DLG2: variants seen among roughly 807,000 people sequenced by gnomAD.
DLG2 encodes the protein disks large homolog 2.
A neutral mutation model predicts 132.5 loss-of-function variants in DLG2; 45 were observed. The observed-to-expected ratio is 0.34, with a 90% CI of 0.27 to 0.44. The LOEUF is 0.44. DLG2 is among the 20% of genes least tolerant of loss of function. The pLI is 1.00. For missense variants in DLG2, 1,045 were observed against 1,196.9 expected, an observed-to-expected ratio of 0.87 and a Z score of 1.87; for synonymous variants, 424 against 419.6, an observed-to-expected ratio of 1.01 and a Z score of -0.13.
At chr11:84,255,054 G>A (rs1365258833) in intron 7 of DLG2, among the ~76,000 whole-genome samples, 1 of 150,554 alleles carries the variant, frequency 6.6e-6, no homozygotes, top group Non-Finnish European at 1.5e-5. Context: ...CCTGCTCCAG[G>A]ACCTTCACAG....
At chr11:85,402,377 C>T (rs1596990487) in intron 3 of DLG2, among the ~76,000 whole-genome samples, 1 of 152,134 alleles carries the variant, frequency 6.6e-6, no homozygotes, top group Admixed American at 6.6e-5. Context: ...AGACCTAACA[C>T]CATAAAAGCT....
intron 21 of DLG2, among the ~76,000 whole-genome samples, chr11:83,528,316 C>A (rs1003610067): frequency 6.6e-6 from 1 of 152,134 alleles, no homozygotes; most frequent in African/African-American, 2.4e-5. Context: ...CTTTCAAAAT[C>A]CAATAAGCTT....
In DLG2 at chr11:83,920,566, C is replaced by T. The variant is rs1475739045; in HGVS notation, c.1496+9762G>A. Among the ~76,000 whole-genome samples the T allele has an allele frequency of 2.0e-5, 3 of 152,180 alleles. No individual in the cohort carries two copies. The East Asian group carries it at 5.8e-4, about 29-fold the overall frequency. The stretch of plus-strand genomic sequence containing the variant: ...GTCTTTTGAAAAAAAATCATTCTCA[C>T]CTCAGCCTGAGGTATCTATTGGGGG... On this transcript the variant is annotated intron_variant, in intron 15 of 27. Coordinates refer to ENST00000376104, the MANE Select transcript of DLG2 (RefSeq NM_001142699.3).
intron 22 of DLG2, among the ~76,000 whole-genome samples, chr11:83,474,396 G>A (rs1456428768): frequency 1.3e-5 from 2 of 152,108 alleles, no homozygotes; most frequent in Non-Finnish European, 2.9e-5. Flanking sequence ...AATGCTGTGG[G>A]TCAATTAAAG....
intron 6 of DLG2, among the ~76,000 whole-genome samples, chr11:84,953,101 C>T (rs1474125320): frequency 2.0e-5 from 3 of 152,102 alleles, no homozygotes; most frequent in Non-Finnish European, 4.4e-5. Flanking sequence ...AATTATCATC[C>T]TGGCTGTAGT....
intron 7 of DLG2, among the ~76,000 whole-genome samples, chr11:84,409,264 C>CACTT (rs1406587928): frequency 2.0e-5 from 3 of 152,128 alleles, no homozygotes; most frequent in African/African-American, 7.2e-5. Flanking sequence ...GAATCACATG[C>CACTT]ACTTCAGGAC....
chr11:85,416,849 T>A (rs894130374), intron 3 of DLG2, among the ~76,000 whole-genome samples: 2 of 152,116 alleles, frequency 1.3e-5, no homozygotes, highest in Non-Finnish European at 2.9e-5. Context: ...TCGGCTGAGA[T>A]GATGGGATTT....
chr11:85,293,133 T>C (rs982259380), intron 3 of DLG2, among the ~76,000 whole-genome samples: 1 of 152,156 alleles, frequency 6.6e-6, no homozygotes, highest in Non-Finnish European at 1.5e-5. Context: ...GGGAAAGTTC[T>C]TCCTTCCAGA....
intron 18 of DLG2, among the ~76,000 whole-genome samples, chr11:83,675,754 C>T (rs76027933): frequency 1.7e-3 from 259 of 152,258 alleles, no homozygotes; most frequent in Middle Eastern, 3.4e-3. Context: ...ATAGTGCCAA[C>T]GTAAAGATAG....
intron 3 of DLG2, among the ~76,000 whole-genome samples, chr11:85,594,060 C>T (rs1457223405): frequency 9.2e-5 from 14 of 151,930 alleles, no homozygotes; most frequent in Admixed American, 9.2e-4. Context: ...TAAAGGTCCA[C>T]ATTATGGGGA....
intron 4 of DLG2, among the ~76,000 whole-genome samples, chr11:85,207,612 T>G (rs2081982766): frequency 6.6e-6 from 1 of 152,174 alleles, no homozygotes; most frequent in East Asian, 1.9e-4. Context: ...ATGTGTCAAA[T>G]TTTATTTAAA....
rs949087704 is a variant in DLG2 at position 84,511,461 on chromosome 11, C to T, written c.519+23109G>A. ...AAAATTAATGATAATATTTATACTT[C>T]AGGTTATATCAGAGTTCATATATAT... On this transcript the variant is annotated intron_variant, in intron 7 of 27. Coordinates refer to ENST00000376104, the MANE Select transcript of DLG2 (RefSeq NM_001142699.3). 3.9e-5 allele frequency among the ~76,000 whole-genome samples: 6 copies of T among 152,060 alleles called. 1 individual carries two copies. Among genetic ancestry groups the T allele is most frequent in the Non-Finnish European group, 8.8e-5 (6 of 68,000 alleles).
At chr11:84,131,846 T>G (rs183411927) in intron 9 of DLG2, among the ~76,000 whole-genome samples, 1 of 152,030 alleles carries the variant, frequency 6.6e-6, no homozygotes, top group Non-Finnish European at 1.5e-5. Context: ...AAATTACTTA[T>G]TTATCTTTTA....
At chr11:85,503,201 T>A (rs921094949) in intron 3 of DLG2, among the ~76,000 whole-genome samples, 2 of 152,148 alleles carry the variant, frequency 1.3e-5, no homozygotes, top group Admixed American at 6.6e-5. Context: ...ACCATTATAT[T>A]TTATACTTTT....
chr11:83,707,606 G>C (rs2084345986), intron 18 of DLG2, among the ~76,000 whole-genome samples: 1 of 152,230 alleles, frequency 6.6e-6, no homozygotes, highest in Admixed American at 6.5e-5. Flanking sequence ...GGGAGGCAGA[G>C]GTTGCAGTGA....
chr11:85,451,433 T>G (rs923261526), intron 3 of DLG2, among the ~76,000 whole-genome samples: 1 of 152,180 alleles, frequency 6.6e-6, no homozygotes, highest in African/African-American at 2.4e-5. Context: ...TTGAAAATAT[T>G]AAACTGGCTC....
intron 18 of DLG2, among the ~76,000 whole-genome samples, chr11:83,686,572 A>G (rs192224794): frequency 6.4e-4 from 97 of 152,084 alleles, no homozygotes; most frequent in Non-Finnish European, 1.3e-3. Context: ...TACACATTAA[A>G]TGAATGTTAT....
chr11:84,532,118 T>TTA (rs1491561455), intron 7 of DLG2, among the ~76,000 whole-genome samples: 1 of 8,424 alleles, frequency 1.2e-4, no homozygotes, highest in South Asian at 2.3e-3. Context: ...GTTCTGTTCA[T>TTA]TTTTTTTTTT....
At chr11:83,776,746 T>G (rs1224462891) in intron 18 of DLG2, among the ~76,000 whole-genome samples, 1 of 152,206 alleles carries the variant, frequency 6.6e-6, no homozygotes, top group African/African-American at 2.4e-5. Flanking sequence ...TCAGATATCT[T>G]TCCCTCCTGA....
Sources: gnomAD v4.1 joint callset for allele counts (sites outside exome capture counted in the v4.1 genomes callset) on GRCh38, gnomAD v4.1.1 for gene constraint, MANE v1.5 for transcripts, NCBI Gene and HGNC (gene_info 2026-07-23, HGNC 2026-07-21) for gene names.